The following RASSF8 variants were observed in gnomAD, a reference collection of about 807,000 sequenced individuals.
The protein encoded by RASSF8 is ras association domain-containing protein 8.
In RASSF8, 22 loss-of-function variants were observed where a neutral mutation model predicts 48.5. The ratio of observed to expected loss-of-function variants is 0.45; its 90% confidence interval spans 0.32 to 0.65. The LOEUF is 0.65. RASSF8 is among the 30% of genes least tolerant of loss of function. RASSF8 has a pLI of 0.03. For synonymous variants in RASSF8, 127 were observed against 171.5 expected (o/e 0.74, Z 2.03); for missense variants, 418 against 489.2 (o/e 0.85, Z 1.37).
At chr12:25,976,600 C>T (rs539900197) in intron 1 of RASSF8, among the ~76,000 whole-genome samples, 5 of 152,314 alleles carry the variant, frequency 3.3e-5, no homozygotes, top group African/African-American at 9.6e-5. Context: ...GGTATTTGGA[C>T]CCAAGAAGAT....
chr12:25,993,882 C>T (rs537477130), intron 1 of RASSF8, among the ~76,000 whole-genome samples: 19 of 152,122 alleles, frequency 1.2e-4, no homozygotes, highest in Admixed American at 9.2e-4. Flanking sequence ...GATTTGGAAG[C>T]GGGCACTAGT....
chr12:26,055,061 T>C lies in RASSF8; in HGVS notation c.-108-175T>C, dbSNP rs1188449585. ...TAAAAATAGTTGTAACATGAAACAC[T>C]GTCATGATAGGTGACTGTAGTTGCA... On this transcript the variant is annotated intron_variant, in intron 2 of 5. Transcript: ENST00000689635. Among the ~76,000 whole-genome samples the C allele has an allele frequency of 6.6e-5, 10 of 152,212 alleles. 1 individual carries two copies. Among genetic ancestry groups the C allele is most frequent in the Admixed American group, 6.5e-4 (10 of 15,286 alleles).
At chr12:26,045,987 A>G (rs1006233915) in intron 2 of RASSF8, among the ~76,000 whole-genome samples, 43 of 152,284 alleles carry the variant, frequency 2.8e-4, no homozygotes, top group African/African-American at 9.6e-4. Context: ...TATTTTTGGC[A>G]GACAGATTTT....
intron 2 of RASSF8, among the ~76,000 whole-genome samples, chr12:26,024,698 C>G (rs996118699): frequency 1.3e-5 from 2 of 152,060 alleles, no homozygotes; most frequent in Admixed American, 6.5e-5. Flanking sequence ...GGCTCACGCC[C>G]GTAATACCAG....
In RASSF8 at chr12:26,067,447, T is replaced by C. The variant is rs139240840; in HGVS notation, c.994-122T>C. On this transcript the variant is annotated intron_variant, in intron 4 of 5. Transcript: ENST00000689635. ...GTCAATATAAACCAGATTTGTTAAATGTGCTTTTATGAAAGCAGATGTTGC... is the reference window on the plus strand; with the variant it reads ...GTCAATATAAACCAGATTTGTTAAACGTGCTTTTATGAAAGCAGATGTTGC... 2,235 of 1,075,040 alleles carry C rather than the reference T, an allele frequency of 2.1e-3. 27 individuals carry two copies. In the African/African-American group the frequency reaches 0.033, roughly 16 times the overall value. 66.6% of individuals were successfully genotyped at this position (1,075,040 alleles called of 1,614,324 possible).
downstream of RASSF8, among the ~76,000 whole-genome samples, chr12:26,075,606 A>G (rs1944064954): frequency 6.6e-6 from 1 of 152,218 alleles, no homozygotes; most frequent in African/African-American, 2.4e-5. Context: ...AGGGTCTGAC[A>G]TGGTCCAGAA....
In RASSF8 at chr12:25,972,764, C is replaced by T. The variant is rs773607430; in HGVS notation, c.-203+13616C>T. Among the ~76,000 whole-genome samples the T allele has an allele frequency of 3.9e-5, 6 of 152,220 alleles. No homozygotes were observed. The South Asian group carries it at 8.3e-4, about 21-fold the overall frequency. On this transcript the variant is annotated intron_variant, in intron 1 of 5. Coordinates refer to ENST00000689635, the MANE Select transcript of RASSF8 (RefSeq NM_001394098.1). ...TTCAAGTATGTTATGTCTGTGTGTACATGTATATGCACATGCATATGCAGT... is the reference window on the plus strand; with the variant it reads ...TTCAAGTATGTTATGTCTGTGTGTATATGTATATGCACATGCATATGCAGT...
chr12:26,028,924 A>G (rs1942972539), intron 2 of RASSF8, among the ~76,000 whole-genome samples: 1 of 152,212 alleles, frequency 6.6e-6, no homozygotes, highest in Admixed American at 6.5e-5. Flanking sequence ...CTTTTTTAAA[A>G]AAAGCCAAAT....
At chr12:25,965,156 T>A (rs534437095) in intron 1 of RASSF8, among the ~76,000 whole-genome samples, 1 of 152,220 alleles carries the variant, frequency 6.6e-6, no homozygotes, top group South Asian at 2.1e-4. Context: ...TTAGCCAGGA[T>A]GGTCTTGATT....
At chr12:26,078,130 C>T (rs542727503) in intron 5 of RASSF8, among the ~76,000 whole-genome samples, 28 of 152,202 alleles carry the variant, frequency 1.8e-4, no homozygotes, top group Non-Finnish European at 1.0e-4. Flanking sequence ...GTAGTAGACA[C>T]TGGAGATATA....
At chr12:26,073,849 C>CACACACACACATATAT (rs35014279), downstream of RASSF8, among the ~76,000 whole-genome samples, 32 of 144,188 alleles carry the variant, frequency 2.2e-4, no homozygotes, top group African/African-American at 7.1e-4. Flanking sequence ...CACACACACA[C>CACACACACACATATAT]ATATATATAT....
downstream of RASSF8, among the ~76,000 whole-genome samples, chr12:26,077,778 C>T (rs973646182): frequency 6.6e-6 from 1 of 152,146 alleles, no homozygotes; most frequent in South Asian, 2.1e-4. Flanking sequence ...CTTCATCTTA[C>T]TGAATCATTG....
chr12:25,998,922 T>A (rs972437173), intron 2 of RASSF8, among the ~76,000 whole-genome samples: 1 of 152,222 alleles, frequency 6.6e-6, no homozygotes, highest in Non-Finnish European at 1.5e-5. Context: ...CTCCTCTCAA[T>A]GTTTAGAGAT....
At position 26,068,907 on chromosome 12, in the gene RASSF8, C is replaced by G; in HGVS notation, c.*89C>G. ...TTTGTGCCAATGATGAACAGAGGAT[C>G]TATTCCACAAGACGCTGTATGTTTT... On this transcript the variant is annotated 3_prime_UTR_variant, in exon 6 of 6. Coordinates refer to ENST00000689635, the MANE Select transcript of RASSF8 (RefSeq NM_001394098.1). 6.7e-7 allele frequency: 1 copy of G among 1,499,776 alleles called. No individual in the cohort carries two copies. The highest frequency in any genetic ancestry group is 1.3e-5 in the South Asian group (1 of 78,370). 92.9% of individuals were successfully genotyped at this position (1,499,776 alleles called of 1,614,324 possible). A position where few individuals can be genotyped will look rare whatever the true frequency, so the allele number is the denominator to read the frequency against.
rs1352057989 is a variant in RASSF8, at chr12:26,069,692, T to C, written c.*874T>C. ...ATTAATCTAACATGGAAGTTATAGA[T>C]ACCTGAAAGCTGGGTTGGTCTACTT... is the stretch of plus-strand genomic sequence containing the variant. On this transcript the variant is annotated 3_prime_UTR_variant, in exon 6 of 6. Transcript: ENST00000689635. The C allele has an allele frequency of 5.2e-5, 51 of 985,336 alleles. No individual in the cohort carries two copies. The highest frequency in any genetic ancestry group is 6.0e-5 in the Non-Finnish European group (50 of 829,940). 61.0% of individuals were successfully genotyped at this position (985,336 alleles called of 1,614,324 possible).
Position 26,068,770 on chromosome 12 carries a change from G to T in RASSF8, c.1212G>T (p.Leu404=). The T allele has an allele frequency of 6.5e-7, 1 of 1,537,160 alleles. No individual in the cohort carries two copies. Among genetic ancestry groups the T allele is most frequent in the Non-Finnish European group, 8.7e-7 (1 of 1,146,870 alleles). The change falls in exon 6 of 6, where the codon CTG becomes CTT. Residue 404 remains leucine, a synonymous_variant. Transcript: ENST00000689635. The part of the protein sequence containing the change: ...SRQLPSNLRI[L]QNPISSGFNP... ...AGCTCCCCAGTAATCTCCGCATTCT[G>T]CAGAATCCTATCTCATCTGGTTTTA...
chr12:26,006,727 T>G (rs1315175364), intron 2 of RASSF8, among the ~76,000 whole-genome samples: 1 of 152,208 alleles, frequency 6.6e-6, no homozygotes, highest in Non-Finnish European at 1.5e-5. Context: ...GCTTCGTTTC[T>G]GACTCATGGT....
downstream of RASSF8, among the ~76,000 whole-genome samples, chr12:26,073,748 TACACACAC>T (rs5797160): frequency 6.7e-5 from 9 of 134,706 alleles, no homozygotes; most frequent in East Asian, 2.1e-4. Flanking sequence ...TCTCTCTCTA[TACACACAC>T]ACACACACAC....
downstream of RASSF8, among the ~76,000 whole-genome samples, chr12:26,073,741 C>CTCTCTCTT (rs1555171920): frequency 1.6e-5 from 2 of 125,512 alleles, no homozygotes; most frequent in Non-Finnish European, 3.3e-5. Flanking sequence ...CTCTCTCTCT[C>CTCTCTCTT]TCTCTATACA....
Sources: allele counts gnomAD v4.1 joint callset (sites outside exome capture counted in the v4.1 genomes callset), GRCh38; gene constraint gnomAD v4.1.1; transcripts MANE v1.5; gene names NCBI Gene and HGNC (gene_info 2026-07-23, HGNC 2026-07-21).